Variants in ADGRL2 observed in about 807,000 individuals in gnomAD.
ADGRL2 encodes the protein calcium-independent alpha-latrotoxin receptor 2.
In ADGRL2, 44 loss-of-function variants were observed where a neutral mutation model predicts 157.4. The observed-to-expected ratio is 0.28, with a 90% CI of 0.22 to 0.36. The LOEUF is 0.36. ADGRL2 is among the 10% of genes least tolerant of loss of function. The probability of loss-of-function intolerance (pLI) is 1.00; values close to 1 mark genes in which losing one functional copy is unlikely to be tolerated. For synonymous variants in ADGRL2, 585 were observed against 624.7 expected, an observed-to-expected ratio of 0.94 and a Z score of 0.95; for missense variants, 1,510 against 1,768.9, an observed-to-expected ratio of 0.85 and a Z score of 2.63.
chr1:81,383,837 C>T (rs565048067), intron 1 of ADGRL2, among the ~76,000 whole-genome samples: 7 of 140,690 alleles, frequency 5.0e-5, no homozygotes, highest in East Asian at 4.1e-4. Context: ...GAGAGCCGGG[C>T]GTGGTACTTG....
intron 2 of ADGRL2, among the ~76,000 whole-genome samples, chr1:81,468,595 T>G (rs1253191938): frequency 1.3e-5 from 2 of 151,594 alleles, no homozygotes; most frequent in Non-Finnish European, 3.0e-5. Context: ...CCTCGGAAAT[T>G]TGAATGGAAG....
rs547866396 is a variant in ADGRL2 at position 81,866,869 on chromosome 1, T to G, written c.73+29812T>G. On this transcript the variant is annotated intron_variant, in intron 2 of 23. Transcript: ENST00000686636. ...ATATTTGGGATGTATGGGGTTTTTT[T>G]GGGGTGTGTGCATAAAATAGATACT... 5.9e-5 allele frequency among the ~76,000 whole-genome samples: 9 copies of G among 152,256 alleles called. No homozygotes were observed. The East Asian group carries it at 7.7e-4, about 13-fold the overall frequency.
At chr1:81,588,357 T>TC (rs1056816230) in intron 3 of ADGRL2, 83 of 152,318 alleles carry the variant, frequency 5.4e-4, no homozygotes, top group African/African-American at 1.9e-3. Context: ...CCCCTTGCAC[T>TC]CCTCAGAACC....
chr1:81,403,109 C>T (rs1338292969), intron 1 of ADGRL2, among the ~76,000 whole-genome samples: 1 of 152,166 alleles, frequency 6.6e-6, no homozygotes, highest in Non-Finnish European at 1.5e-5. Flanking sequence ...TCTTTATCTA[C>T]TCAGACAAAT....
intron 2 of ADGRL2, among the ~76,000 whole-genome samples, chr1:81,480,274 T>C (rs1403345415): frequency 6.6e-6 from 1 of 152,054 alleles, no homozygotes; most frequent in African/African-American, 2.4e-5. Context: ...AAAATCATAC[T>C]GAACTCATAT....
intron 1 of ADGRL2, among the ~76,000 whole-genome samples, chr1:81,826,770 G>C (rs955966888): frequency 1.3e-5 from 2 of 151,984 alleles, no homozygotes; most frequent in African/African-American, 4.8e-5. Context: ...AAAATGGAAA[G>C]GACATTTTAA....
intron 1 of ADGRL2, among the ~76,000 whole-genome samples, chr1:81,443,134 A>G (rs1224758150): frequency 1.3e-5 from 2 of 152,084 alleles, no homozygotes; most frequent in African/African-American, 4.8e-5. Context: ...AGTTTACTGG[A>G]TGGTGGTCAG....
intron 1 of ADGRL2, among the ~76,000 whole-genome samples, chr1:81,416,962 A>T (rs1476306399): frequency 1.3e-5 from 2 of 152,214 alleles, no homozygotes; most frequent in African/African-American, 4.8e-5. Context: ...AGCATTTCTA[A>T]CAAGTTTCCC....
intron 3 of ADGRL2, among the ~76,000 whole-genome samples, chr1:81,633,903 A>C (rs139292485): frequency 6.6e-6 from 1 of 152,306 alleles, no homozygotes; most frequent in East Asian, 1.9e-4. Context: ...GTAGTAACAT[A>C]AATGACTCTG....
intron 11 of ADGRL2, among the ~76,000 whole-genome samples, chr1:81,958,427 G>C (rs1654293023): frequency 6.6e-6 from 1 of 152,010 alleles, no homozygotes; most frequent in African/African-American, 2.4e-5. Context: ...GACTAAAATA[G>C]CCTATTATTT....
intron 2 of ADGRL2, among the ~76,000 whole-genome samples, chr1:81,462,471 C>CA (rs1207536705): frequency 7.0e-6 from 1 of 141,912 alleles, no homozygotes; most frequent in East Asian, 2.5e-4. Context: ...CCAGAAGGAA[C>CA]AAATTCTGGA....
intron 1 of ADGRL2, among the ~76,000 whole-genome samples, chr1:81,309,586 T>A (rs1250823636): frequency 6.6e-6 from 1 of 152,210 alleles, no homozygotes; most frequent in South Asian, 2.1e-4. Flanking sequence ...GATTCAAATA[T>A]CTGATTCTGA....
chr1:81,513,794 G>A (rs1324279347), intron 2 of ADGRL2: 2 of 152,312 alleles, frequency 1.3e-5, no homozygotes, highest in East Asian at 1.9e-4. Context: ...ACCTGGAAGA[G>A]GAAATGTTTC....
intron 6 of ADGRL2, among the ~76,000 whole-genome samples, chr1:81,946,930 C>T (rs1466031603): frequency 6.6e-6 from 1 of 152,130 alleles, no homozygotes; most frequent in Non-Finnish European, 1.5e-5. Flanking sequence ...TCTTCAAACC[C>T]TTTCATGGAG....
At chr1:81,784,382 T>G (rs1046417265) in intron 2 of ADGRL2, among the ~76,000 whole-genome samples, 1 of 152,216 alleles carries the variant, frequency 6.6e-6, no homozygotes, top group Non-Finnish European at 1.5e-5. Flanking sequence ...TTCTTGACTG[T>G]AGAATTTTAA....
intron 1 of ADGRL2, among the ~76,000 whole-genome samples, chr1:81,369,715 T>A (rs2076129466): frequency 6.6e-6 from 1 of 151,550 alleles, no homozygotes; most frequent in Non-Finnish European, 1.5e-5. Flanking sequence ...AAAAAAAAAA[T>A]CCCTTTGGTT....
rs1394937936 is a variant in ADGRL2, at chr1:81,968,313, A to C, written c.2523+114A>C. Reference sequence around the variant, plus strand: ...CCGTAACTAAAAAGCAAACAAAGTAATGTTGATTTCTAATTGTTTCTACAC... The same window carrying C: ...CCGTAACTAAAAAGCAAACAAAGTACTGTTGATTTCTAATTGTTTCTACAC... On this transcript the variant is annotated intron_variant, in intron 14 of 23. Coordinates refer to ENST00000686636, the MANE Select transcript of ADGRL2 (RefSeq NM_001366006.2). 4 of 870,186 alleles carry C rather than the reference A, an allele frequency of 4.6e-6. No individual in the cohort carries two copies. The East Asian group carries it at 1.0e-4, about 22-fold the overall frequency. 53.9% of individuals were successfully genotyped at this position (870,186 alleles called of 1,614,324 possible).
At chr1:81,572,566 C>T (rs1038055214) in intron 2 of ADGRL2, among the ~76,000 whole-genome samples, 2 of 152,090 alleles carry the variant, frequency 1.3e-5, no homozygotes, top group Admixed American at 1.3e-4. Context: ...TTACAGGTCC[C>T]AAAGACAATA....
At chr1:81,926,950 A>G (rs2095121346) in intron 3 of ADGRL2, among the ~76,000 whole-genome samples, 1 of 152,022 alleles carries the variant, frequency 6.6e-6, no homozygotes, top group African/African-American at 2.4e-5. Flanking sequence ...TAAAACATAG[A>G]AAGTTGTTTT....
Sources: allele counts gnomAD v4.1 joint callset (sites outside exome capture counted in the v4.1 genomes callset), GRCh38; gene constraint gnomAD v4.1.1; transcripts MANE v1.5; gene names NCBI Gene and HGNC (gene_info 2026-07-23, HGNC 2026-07-21).